LRRIQ1: variants seen among roughly 807,000 people sequenced by gnomAD.
LRRIQ1 encodes the protein leucine rich repeats and IQ motif containing 1.
LRRIQ1 carries 210 observed loss-of-function variants against 211.9 expected under a neutral mutation model. That is an observed-to-expected ratio of 0.99 (90% CI 0.89 to 1.11). The LOEUF (loss-of-function observed/expected upper bound fraction) is 1.11, where lower values mean the gene tolerates loss of function less well. Ranked by LOEUF, LRRIQ1 falls within the 50% of genes most tolerant of loss-of-function variation. The probability of loss-of-function intolerance (pLI) is 0.00; values close to 1 mark genes in which losing one functional copy is unlikely to be tolerated. For missense variants in LRRIQ1, 2,136 were observed against 1,939.5 expected, an observed-to-expected ratio of 1.10 and a Z score of -1.90; for synonymous variants, 699 against 650.1, an observed-to-expected ratio of 1.08 and a Z score of -1.14.
rs539295771 is a variant in LRRIQ1, at chr12:85,070,567, TTTTG to T, written c.2696-2328_2696-2325del. ...TTACTTTCAGTGGTGCCAACTTGTT[TTTTG>T]TTTGTTTGTTTAGTTTGTTTTACTA... On this transcript the variant is annotated intron_variant, in intron 10 of 26. Transcript: ENST00000393217. Among the ~76,000 whole-genome samples, 348 of 152,116 alleles carry T rather than the reference TTTTG, an allele frequency of 2.3e-3. 1 individual carries two copies. Among genetic ancestry groups the T allele is most frequent in the Non-Finnish European group, 3.8e-3 (257 of 67,960 alleles).
rs376422827 is a variant in LRRIQ1 at position 85,056,265 on chromosome 12, G to A, written c.1472G>A (p.Arg491Gln). The A allele has an allele frequency of 3.2e-6, 5 of 1,572,590 alleles. No individual in the cohort carries two copies. Among genetic ancestry groups the A allele is most frequent in the Admixed American group, 2.1e-5 (1 of 47,410 alleles). ...AAAAATGAAAACCTAGCAAAAAAAC[G>A]ATGTTCAGAAGAATTGGTCAAGCAA... is the stretch of plus-strand genomic sequence containing the variant. ...EEKNENLAKKRCSEELVKQER... is the reference protein window; with the variant it reads ...EEKNENLAKKQCSEELVKQER... Residue 491 changes from arginine (R) to glutamine (Q), a missense_variant, in exon 8 of 27, where the codon CGA becomes CAA. By Grantham distance (43) the Arg-to-Gln change is conservative. Coordinates refer to ENST00000393217, the MANE Select transcript of LRRIQ1 (RefSeq NM_001079910.2).
intron 25 of LRRIQ1, among the ~76,000 whole-genome samples, chr12:85,230,669 T>A (rs2137187493): frequency 6.6e-6 from 1 of 152,266 alleles, no homozygotes; most frequent in South Asian, 2.1e-4. Context: ...AGTCCAGAGA[T>A]GATATTTTTA....
chr12:85,215,565 A>G (rs773580261), intron 24 of LRRIQ1, among the ~76,000 whole-genome samples: 7 of 151,980 alleles, frequency 4.6e-5, no homozygotes, highest in Non-Finnish European at 7.4e-5. Context: ...ATGTGTTCTC[A>G]TTTAGCCCCT....
chr12:85,090,473 TA>T (rs1366317072), intron 11 of LRRIQ1, among the ~76,000 whole-genome samples: 1 of 152,180 alleles, frequency 6.6e-6, no homozygotes, highest in South Asian at 2.1e-4. Context: ...ATAAACCCGG[TA>T]AAGCTACAGC....
intron 11 of LRRIQ1, among the ~76,000 whole-genome samples, chr12:85,085,100 G>GT (rs992700911): frequency 6.6e-6 from 1 of 152,074 alleles, no homozygotes; most frequent in Admixed American, 6.6e-5. Flanking sequence ...CATAGTATTT[G>GT]TTTTTTTGCG....
chr12:85,058,967 A>T (rs1399241614), intron 8 of LRRIQ1, among the ~76,000 whole-genome samples: 1 of 151,974 alleles, frequency 6.6e-6, no homozygotes, highest in Non-Finnish European at 1.5e-5. Context: ...AAAGATGAAA[A>T]ATACATGTGA....
At chr12:85,180,156 G>A (rs1362665325) in intron 24 of LRRIQ1, among the ~76,000 whole-genome samples, 1 of 151,842 alleles carries the variant, frequency 6.6e-6, no homozygotes, top group African/African-American at 2.4e-5. Context: ...AACCACCTCT[G>A]AGATCTATTT....
At position 85,217,526 on chromosome 12, in the gene LRRIQ1, G is replaced by A. The variant is rs1397989504; in HGVS notation, c.4823-11991G>A. Among the ~76,000 whole-genome samples, 173 of 116,014 alleles carry A rather than the reference G, an allele frequency of 1.5e-3. 8 individuals carry two copies. The highest frequency in any genetic ancestry group is 5.0e-3 in the African/African-American group (117 of 23,186). The allele number at this position is 116,014 out of a possible 152,430, so 76.1% of individuals were successfully genotyped here. ...TATATATATGTGTGTGTGTGTGTGT[G>A]TGTGTGTGTGTGTGTGTGTGTGTGT... On this transcript the variant is annotated intron_variant, in intron 24 of 26. Coordinates refer to ENST00000393217, the MANE Select transcript of LRRIQ1 (RefSeq NM_001079910.2).
intron 24 of LRRIQ1, among the ~76,000 whole-genome samples, chr12:85,174,345 A>T (rs574507040): frequency 6.6e-6 from 1 of 152,060 alleles, no homozygotes; most frequent in South Asian, 2.1e-4. Flanking sequence ...CTAGAATAAC[A>T]TACAAAAGAA....
rs550197779 is a variant in LRRIQ1, at chr12:85,127,991, G to A, written c.4167G>A (p.Val1389=). The change falls in exon 18 of 27, where the codon GTG becomes GTA. Residue 1389 remains valine (V), a synonymous_variant. Coordinates refer to ENST00000393217, the MANE Select transcript of LRRIQ1 (RefSeq NM_001079910.2). ...ILKKGKRENI[V]NIRKQREKAA... ...AGAAAGGAAAAAGAGAAAATATTGT[G>A]AATATCCGAAAACAGAGGGAGAAGG... is the stretch of plus-strand genomic sequence containing the variant. 2 of 1,613,356 alleles carry A rather than the reference G, an allele frequency of 1.2e-6. No individual in the cohort carries two copies. The highest frequency in any genetic ancestry group is 1.7e-4 in the Middle Eastern group (1 of 6,056).
At position 85,229,572 on chromosome 12, in the gene LRRIQ1, G is replaced by C. The variant is rs368074946; in HGVS notation, c.4878G>C (p.Arg1626=). The C allele has an allele frequency of 1.2e-6, 2 of 1,612,568 alleles. No homozygotes were observed. Among genetic ancestry groups the C allele is most frequent in the Non-Finnish European group, 1.7e-6 (2 of 1,179,056 alleles). ...CCACTGCAAATGAAAAATTAGAACG[G>C]AATAGAGAATATACATACCAATGGC... The part of the protein sequence containing the change: ...KDTTANEKLE[R]NREYTYQWLH... Residue 1626 remains arginine, a synonymous_variant, in exon 25 of 27, where the codon CGG becomes CGC. Transcript: ENST00000393217.
intron 19 of LRRIQ1, among the ~76,000 whole-genome samples, chr12:85,151,347 T>C (rs980679132): frequency 3.3e-5 from 5 of 151,712 alleles, no homozygotes; most frequent in Non-Finnish European, 4.4e-5. Flanking sequence ...CCAATGGTCT[T>C]TCAAAAGGCA....
chr12:85,190,082 ATAGT>A (rs1892426113), intron 24 of LRRIQ1, among the ~76,000 whole-genome samples: 1 of 142,710 alleles, frequency 7.0e-6, no homozygotes, highest in Admixed American at 7.2e-5. Context: ...AATATGTAAT[ATAGT>A]TAGTTTATAT....
intron 24 of LRRIQ1, among the ~76,000 whole-genome samples, chr12:85,227,720 C>A (rs1001463969): frequency 1.3e-5 from 2 of 152,122 alleles, no homozygotes; most frequent in African/African-American, 4.8e-5. Context: ...CCAACACAAT[C>A]CTAAGCCAAA....
chr12:85,064,730 C>G (rs975418944), intron 8 of LRRIQ1, among the ~76,000 whole-genome samples: 1 of 151,746 alleles, frequency 6.6e-6, no homozygotes. Flanking sequence ...GGTCTAGTTT[C>G]ATTTTTCTGC....
intron 1 of LRRIQ1, among the ~76,000 whole-genome samples, chr12:85,260,077 A>G (rs903820492): frequency 1.3e-5 from 2 of 150,824 alleles, no homozygotes; most frequent in African/African-American, 2.4e-5. Flanking sequence ...ATGTGTTTCA[A>G]TACTTTATAC....
chr12:85,090,190 C>T (rs181260881), intron 11 of LRRIQ1, among the ~76,000 whole-genome samples: 1 of 152,320 alleles, frequency 6.6e-6, no homozygotes, highest in East Asian at 1.9e-4. Context: ...GGATTCCTGG[C>T]AGCCTCTGCC....
At chr12:85,041,896 A>G (rs1878933073) in intron 3 of LRRIQ1, among the ~76,000 whole-genome samples, 1 of 151,904 alleles carries the variant, frequency 6.6e-6, no homozygotes, top group African/African-American at 2.4e-5. Flanking sequence ...TAAGGTAGAA[A>G]GAGAAGCATA....
intron 15 of LRRIQ1, among the ~76,000 whole-genome samples, chr12:85,121,319 GAC>G: frequency 6.6e-6 from 1 of 152,194 alleles, no homozygotes; most frequent in Admixed American, 6.5e-5. Context: ...TGAAATAAAA[GAC>G]AACTTTTGGT....
Sources: allele counts gnomAD v4.1 joint callset (sites outside exome capture counted in the v4.1 genomes callset), GRCh38; gene constraint gnomAD v4.1.1; transcripts MANE v1.5; gene names NCBI Gene and HGNC (gene_info 2026-07-23, HGNC 2026-07-21).